The following SOX5 variants were observed in gnomAD, a reference collection of about 807,000 sequenced individuals.
SOX5 encodes the protein SRY-box transcription factor 5, also known as transcription factor SOX-5.
SOX5 carries 9 observed loss-of-function variants against 92.0 expected under a neutral mutation model. That is an observed-to-expected ratio of 0.10 (90% CI 0.06 to 0.17). The LOEUF (loss-of-function observed/expected upper bound fraction) is 0.17. SOX5 is among the 10% of genes least tolerant of loss of function. The pLI is 1.00. For missense variants in SOX5, 642 were observed against 944.5 expected, an observed-to-expected ratio of 0.68 and a Z score of 4.20; for synonymous variants, 344 against 336.3, an observed-to-expected ratio of 1.02 and a Z score of -0.25.
At chr12:24,229,773 C>T (rs1436255162) in intron 3 of SOX5, among the ~76,000 whole-genome samples, 1 of 152,084 alleles carries the variant, frequency 6.6e-6, no homozygotes, top group Non-Finnish European at 1.5e-5. Flanking sequence ...TGTGACCCGG[C>T]TAATAGGCTG....
chr12:24,296,134 C>G (rs1333905879), intron 2 of SOX5, among the ~76,000 whole-genome samples: 1 of 152,186 alleles, frequency 6.6e-6, no homozygotes, highest in East Asian at 1.9e-4. Context: ...AACACCAAGC[C>G]AAGGTTTATG....
chr12:24,247,206 G>A (rs896247275), intron 3 of SOX5, among the ~76,000 whole-genome samples: 2 of 151,306 alleles, frequency 1.3e-5, no homozygotes, highest in Non-Finnish European at 2.9e-5. Flanking sequence ...GATCCTTGCT[G>A]GGAGCTGTTA....
chr12:24,471,741 A>C (rs1393165823), intron 1 of SOX5, among the ~76,000 whole-genome samples: 1 of 152,202 alleles, frequency 6.6e-6, no homozygotes, highest in Non-Finnish European at 1.5e-5. Flanking sequence ...CAACTTATAA[A>C]ATCATAAATG....
chr12:23,615,543 C>T (rs1351874732), intron 8 of SOX5, among the ~76,000 whole-genome samples: 2 of 152,106 alleles, frequency 1.3e-5, no homozygotes, highest in African/African-American at 4.8e-5. Flanking sequence ...TTGTTCCCCT[C>T]TGTGTGTCCA....
chr12:24,403,331 C>T (rs58078095), intron 1 of SOX5, among the ~76,000 whole-genome samples: 10,534 of 152,206 alleles, frequency 0.069, 1,255 homozygotes, highest in African/African-American at 0.24. Context: ...CTGTGTGTTT[C>T]CCCTGATAAA....
At chr12:24,254,066 A>C (rs1445266537) in intron 3 of SOX5, among the ~76,000 whole-genome samples, 2 of 152,136 alleles carry the variant, frequency 1.3e-5, no homozygotes, top group African/African-American at 4.8e-5. Flanking sequence ...GACCATCAAC[A>C]TCATCATCAT....
At chr12:24,531,791 A>G (rs547359145) in intron 1 of SOX5, among the ~76,000 whole-genome samples, 1 of 152,248 alleles carries the variant, frequency 6.6e-6, no homozygotes, top group East Asian at 1.9e-4. Flanking sequence ...TCTTTTGACC[A>G]TTTTCAAATA....
chr12:24,106,243 A>C (rs536974927), intron 4 of SOX5, among the ~76,000 whole-genome samples: 2 of 152,282 alleles, frequency 1.3e-5, no homozygotes, highest in South Asian at 2.1e-4. Flanking sequence ...GTCAATAATT[A>C]AACAACCCAA....
chr12:23,845,875 G>T, intron 3 of SOX5, 108 bp downstream of exon 3: 3 of 880,648 alleles, frequency 3.4e-6, no homozygotes, highest in Non-Finnish European at 5.5e-6. Flanking sequence ...TTTCCATCTT[G>T]CCCAATTTAA....
intron 3 of SOX5, among the ~76,000 whole-genome samples, chr12:23,797,104 C>G (rs992346550): frequency 1.3e-5 from 2 of 151,666 alleles, no homozygotes; most frequent in African/African-American, 4.8e-5. Flanking sequence ...CACTAATACA[C>G]TTTATCAATT....
chr12:23,580,130 A>G (rs1406553729), intron 9 of SOX5, among the ~76,000 whole-genome samples: 1 of 152,082 alleles, frequency 6.6e-6, no homozygotes, highest in African/African-American at 2.4e-5. Context: ...GTTCATTATA[A>G]GTATTCCAAA....
At chr12:24,046,616 A>G (rs763037737) in intron 4 of SOX5, among the ~76,000 whole-genome samples, 8 of 152,094 alleles carry the variant, frequency 5.3e-5, no homozygotes, top group Non-Finnish European at 2.9e-5. Flanking sequence ...AGTAAAACAA[A>G]AGACATGCTA....
chr12:23,596,419 G>A (rs1952459571), intron 9 of SOX5, among the ~76,000 whole-genome samples: 1 of 152,128 alleles, frequency 6.6e-6, no homozygotes. Context: ...ATCTCTGTAA[G>A]AGAGACCGCT....
chr12:23,869,195 G>A (rs900733041), intron 2 of SOX5, among the ~76,000 whole-genome samples: 1 of 152,048 alleles, frequency 6.6e-6, no homozygotes, highest in African/African-American at 2.4e-5. Context: ...CTTTTTACTA[G>A]ATTCCTTGAA....
rs570203938 is a variant in SOX5, at chr12:23,670,912, C to T, written c.811-5348G>A. ...CCCTTTTCTGTGATTTTTCTCAAAA[C>T]GTGCCTAATCACTGTGACTGAGCAT... On this transcript the variant is annotated intron_variant, in intron 6 of 14. Transcript: ENST00000451604. Among the ~76,000 whole-genome samples the T allele has an allele frequency of 3.3e-5, 5 of 152,214 alleles. No individual in the cohort carries two copies. The East Asian group carries it at 7.7e-4, about 24-fold the overall frequency.
chr12:23,801,552 A>G lies in SOX5; in HGVS notation c.481+44431T>C, dbSNP rs1005056230. 3.9e-5 allele frequency among the ~76,000 whole-genome samples: 6 copies of G among 152,200 alleles called. No individual in the cohort carries two copies. The South Asian group carries it at 1.0e-3, about 26-fold the overall frequency. On this transcript the variant is annotated intron_variant, in intron 3 of 14. Coordinates refer to ENST00000451604, the MANE Select transcript of SOX5 (RefSeq NM_006940.6). ...GTACATTTTGTGAGTAAAATTTTAAAAAGTAGCTTAATGTAGTCAAATATT... is the reference window on the plus strand; with the variant it reads ...GTACATTTTGTGAGTAAAATTTTAAGAAGTAGCTTAATGTAGTCAAATATT...
At chr12:24,080,499 T>C (rs1458675221) in intron 4 of SOX5, among the ~76,000 whole-genome samples, 1 of 152,064 alleles carries the variant, frequency 6.6e-6, no homozygotes, top group Non-Finnish European at 1.5e-5. Context: ...TTGACTTTAA[T>C]TTTTGTGTGC....
At chr12:24,121,626 C>A (rs1355720157) in intron 4 of SOX5, among the ~76,000 whole-genome samples, 1 of 143,272 alleles carries the variant, frequency 7.0e-6, no homozygotes, top group African/African-American at 2.6e-5. Flanking sequence ...CGGTGGCTCA[C>A]GCCTGTAATC....
chr12:23,924,726 T>C (rs1033594383), intron 1 of SOX5, among the ~76,000 whole-genome samples: 1 of 152,128 alleles, frequency 6.6e-6, no homozygotes, highest in Non-Finnish European at 1.5e-5. Flanking sequence ...TAGCAGGAAG[T>C]TGCTTCGCGT....
Sources: allele counts gnomAD v4.1 joint callset (sites outside exome capture counted in the v4.1 genomes callset), GRCh38; gene constraint gnomAD v4.1.1; transcripts MANE v1.5; gene names NCBI Gene and HGNC (gene_info 2026-07-23, HGNC 2026-07-21).